Variants in WNT8A observed in about 807,000 individuals in gnomAD.
WNT8A encodes the protein protein Wnt-8a.
WNT8A carries 14 observed loss-of-function variants against 20.5 expected under a neutral mutation model. That is an observed-to-expected ratio of 0.68 (90% CI 0.45 to 1.07). The LOEUF (loss-of-function observed/expected upper bound fraction) is 1.07. Ranked by LOEUF, WNT8A falls within the 50% of genes least tolerant of loss-of-function variation. WNT8A has a pLI of 0.00. For missense variants in WNT8A, 397 were observed against 462.9 expected (o/e 0.86, Z 1.31); for synonymous variants, 167 against 169.2 (o/e 0.99, Z 0.10).
At chr5:138,080,460 T>TTTTTTTTG (rs1432170813), upstream of WNT8A, among the ~76,000 whole-genome samples, 2 of 121,370 alleles carry the variant, frequency 1.6e-5, no homozygotes, top group Non-Finnish European at 3.6e-5. Context: ...TTTTTTTTTT[T>TTTTTTTTG]TTTTTTTTGG....
Position 138,090,625 on chromosome 5 carries a change from A to G in WNT8A, c.662A>G (p.Glu221Gly). Residue 221 changes from glutamate (E) to glycine (G), a missense_variant, in exon 5 of 5, where the codon GAG (glutamate) becomes GGG (glycine). Physicochemically the swap from Glu to Gly is moderately conservative, Grantham distance 98. Transcript: ENST00000506684. Reference protein sequence around the residue: ...TCWLQLAEFREMGDYLKAKYD... With the variant: ...TCWLQLAEFRGMGDYLKAKYD... The stretch of plus-strand genomic sequence containing the variant: ...TGGCTGCAGCTGGCTGAATTCCGGG[A>G]GATGGGAGACTACCTAAAGGCCAAG... 4 of 1,614,188 alleles carry G rather than the reference A, an allele frequency of 2.5e-6. No homozygotes were observed. Among genetic ancestry groups the G allele is most frequent in the Non-Finnish European group, 3.4e-6 (4 of 1,180,036 alleles).
At chr5:138,081,183 G>A (rs562927971), upstream of WNT8A, among the ~76,000 whole-genome samples, 9 of 148,690 alleles carry the variant, frequency 6.1e-5, no homozygotes, top group South Asian at 1.7e-3. Flanking sequence ...CGGAGATCGC[G>A]CCACTGCACT....
chr5:138,090,386 A>C, intron 4 of WNT8A, 142 bp from the exon 5 acceptor site: 1 of 710,110 alleles, frequency 1.4e-6, no homozygotes, highest in Non-Finnish European at 2.3e-6. Context: ...GGGTCGAGGA[A>C]TAAATATTTT....
upstream of WNT8A, among the ~76,000 whole-genome samples, chr5:138,079,116 G>A (rs1022773818): frequency 1.3e-5 from 2 of 152,004 alleles, no homozygotes; most frequent in African/African-American, 4.8e-5. Flanking sequence ...ATTATTGGGT[G>A]TTAAATTCCA....
downstream of WNT8A, chr5:138,092,031 C>A (rs1432165330): frequency 6.6e-6 from 1 of 152,102 alleles, no homozygotes; most frequent in Admixed American, 6.6e-5. Flanking sequence ...CCTACCCAGA[C>A]AAGGTCCCAC....
In WNT8A at chr5:138,084,576, G is replaced by A; in HGVS notation, c.235G>A (p.Glu79Lys). 1 of 1,613,804 alleles carries A rather than the reference G, an allele frequency of 6.2e-7. No homozygotes were observed. Among genetic ancestry groups the A allele is most frequent in the South Asian group, 1.1e-5 (1 of 91,010 alleles). Reference protein sequence around the residue: ...IEECKFQFAWERWNCPENALQ... With the variant: ...IEECKFQFAWKRWNCPENALQ... ...GGAGTGCAAGTTCCAGTTTGCTTGG[G>A]AACGCTGGAACTGCCCTGAAAATGC... The change falls in exon 2 of 5, where the codon GAA (glutamate) becomes AAA (lysine). Residue 79 changes from glutamate to lysine, a missense_variant. Transcript: ENST00000506684.
chr5:138,089,850 T>A lies in WNT8A; in HGVS notation c.565-678T>A, dbSNP rs376167810. 8.5e-5 allele frequency among the ~76,000 whole-genome samples: 13 copies of A among 152,138 alleles called. No individual in the cohort carries two copies. In the East Asian group the frequency reaches 1.9e-3, roughly 23 times the overall value. The stretch of plus-strand genomic sequence containing the variant: ...CTAGTTTTTGTGGGTTTTGTAGAGA[T>A]GAGGTTTCCCCATATTGCCCAGGCT... On this transcript the variant is annotated intron_variant, in intron 4 of 4. Coordinates refer to ENST00000506684, the MANE Select transcript of WNT8A (RefSeq NM_001300939.2).
upstream of WNT8A, among the ~76,000 whole-genome samples, chr5:138,082,162 A>G (rs1750525833): frequency 6.6e-6 from 1 of 152,232 alleles, no homozygotes; most frequent in East Asian, 1.9e-4. Flanking sequence ...GCAACCAAGA[A>G]GGACTTTCCC....
chr5:138,090,514 T>C lies in WNT8A; in HGVS notation c.565-14T>C. 6.2e-7 allele frequency: 1 copy of C among 1,610,860 alleles called. No homozygotes were observed. The highest frequency in any genetic ancestry group is 8.5e-7 in the Non-Finnish European group (1 of 1,177,920). ...CTACTCAGAGCCATTCTCTTTTGTG[T>C]TCTCTCTATGAAGGCAGTGAGAGCC... On this transcript the variant is annotated splice_polypyrimidine_tract_variant and intron_variant, in intron 4 of 4. Coordinates refer to ENST00000506684, the MANE Select transcript of WNT8A (RefSeq NM_001300939.2).
At chr5:138,090,501 AT>A in intron 4 of WNT8A, 26 bp from the exon 5 acceptor site, 1 of 1,603,968 alleles carries the variant, frequency 6.2e-7, no homozygotes, top group Non-Finnish European at 8.5e-7. Flanking sequence ...ACTCAGAGCC[AT>A]TCTCTTTTGT....
At position 138,091,478 on chromosome 5, in the gene WNT8A, G is replaced by C; in HGVS notation, c.*405G>C. ...AATCAGGAGAATAGAAGCAAAAAACGAAAGAGTTCTGTTCAGACTTCTGAA... is the reference window on the plus strand; with the variant it reads ...AATCAGGAGAATAGAAGCAAAAAACCAAAGAGTTCTGTTCAGACTTCTGAA... On this transcript the variant is annotated 3_prime_UTR_variant, in exon 5 of 5. Transcript: ENST00000506684. The C allele has an allele frequency of 7.4e-7, 1 of 1,351,944 alleles. No homozygotes were observed. Among genetic ancestry groups the C allele is most frequent in the Non-Finnish European group, 9.8e-7 (1 of 1,022,174 alleles). The allele number at this position is 1,351,944 out of a possible 1,614,324, so 83.7% of individuals were successfully genotyped here.
Position 138,088,004 on chromosome 5 carries a change from A to G in WNT8A, c.421+73A>G, listed in dbSNP as rs543642706. 1.5e-4 allele frequency: 244 copies of G among 1,586,216 alleles called. No individual in the cohort carries two copies. The African/African-American group carries it at 2.2e-3, about 14-fold the overall frequency. On this transcript the variant is annotated intron_variant, in intron 3 of 4. Transcript: ENST00000506684. ...AGCTGAGTGCAGACTAAAGTCTTCC[A>G]GAGAAAGGCTGAGGGACACAGCTCC...
In WNT8A at chr5:138,089,057, G is replaced by T. The variant is rs760672272; in HGVS notation, c.552G>T (p.Arg184Ser). The T allele has an allele frequency of 1.2e-5, 19 of 1,613,228 alleles. No homozygotes were observed. Among genetic ancestry groups the T allele is most frequent in the Non-Finnish European group, 1.5e-5 (18 of 1,179,898 alleles). ...CCCTGATGAATCTTCACAACAACAGGGCCGGCAGACTGGTGGGTATAGGCA... is the reference window on the plus strand; with the variant it reads ...CCCTGATGAATCTTCACAACAACAGTGCCGGCAGACTGGTGGGTATAGGCA... ...ARALMNLHNN[R>S]AGRLAVRATM... Residue 184 changes from arginine (R) to serine (S), a missense_variant, in exon 4 of 5, where the codon AGG becomes AGT. Arg to Ser is a moderately radical substitution (Grantham distance 110, BLOSUM62 -1). Coordinates refer to ENST00000506684, the MANE Select transcript of WNT8A (RefSeq NM_001300939.2).
upstream of WNT8A, among the ~76,000 whole-genome samples, chr5:138,080,893 C>G (rs1750494631): frequency 6.6e-6 from 1 of 152,132 alleles, no homozygotes; most frequent in African/African-American, 2.4e-5. Flanking sequence ...AAGCCCAGGG[C>G]TCCTGATACC....
chr5:138,080,022 A>C (rs963279048), upstream of WNT8A, among the ~76,000 whole-genome samples: 1 of 152,136 alleles, frequency 6.6e-6, no homozygotes, highest in African/African-American at 2.4e-5. Flanking sequence ...CAGGATTCAA[A>C]GATGTATAAG....
chr5:138,083,964 G>C (rs1581354869), upstream of WNT8A: 3 of 889,986 alleles, frequency 3.4e-6, no homozygotes, highest in Non-Finnish European at 5.0e-6. Flanking sequence ...AATGAGAAGA[G>C]CTGCTGATTT....
chr5:138,081,702 G>A (rs939262965), upstream of WNT8A, among the ~76,000 whole-genome samples: 2 of 152,012 alleles, frequency 1.3e-5, no homozygotes, highest in Non-Finnish European at 2.9e-5. Flanking sequence ...CTTGCGGGGG[G>A]CTGGGAGGCA....
rs760690223 is a variant in WNT8A at position 138,090,554 on chromosome 5, A to G, written c.591A>G (p.Thr197=). ...CAGTGAGAGCCACCATGAAAAGGAC[A>G]TGCAAATGTCATGGCATCTCTGGGA... is the stretch of plus-strand genomic sequence containing the variant. ...RLAVRATMKR[T]CKCHGISGSC... The change falls in exon 5 of 5, where the codon ACA becomes ACG. Residue 197 remains threonine, a synonymous_variant. Coordinates refer to ENST00000506684, the MANE Select transcript of WNT8A (RefSeq NM_001300939.2). The G allele has an allele frequency of 4.3e-6, 7 of 1,614,100 alleles. No individual in the cohort carries two copies. The South Asian group carries it at 6.6e-5, about 15-fold the overall frequency.
At chr5:138,091,653 C>A, downstream of WNT8A, 1 of 528,942 alleles carries the variant, frequency 1.9e-6, no homozygotes, top group South Asian at 2.0e-5. Flanking sequence ...TAGAAAGACA[C>A]CATCTCTACA....
Sources: allele counts gnomAD v4.1 joint callset (sites outside exome capture counted in the v4.1 genomes callset), GRCh38; gene constraint gnomAD v4.1.1; transcripts MANE v1.5; gene names NCBI Gene and HGNC (gene_info 2026-07-23, HGNC 2026-07-21).